ARID1B: variants seen among roughly 807,000 people sequenced by gnomAD.
ARID1B encodes the protein AT-rich interactive domain-containing protein 1B.
Under a neutral mutation model 212.3 loss-of-function variants are expected in ARID1B, and 30 were observed. The ratio of observed to expected loss-of-function variants is 0.14; its 90% CI spans 0.11 to 0.19. The LOEUF is 0.19. ARID1B is among the 10% of genes least tolerant of loss of function. ARID1B has a pLI of 1.00. For missense variants in ARID1B, 2,891 were observed against 3,204.0 expected, an observed-to-expected ratio of 0.90 and a Z score of 2.36; for synonymous variants, 1,402 against 1,301.7, an observed-to-expected ratio of 1.08 and a Z score of -1.66.
intron 3 of ARID1B, among the ~76,000 whole-genome samples, chr6:156,912,940 C>T (rs1361970871): frequency 6.6e-6 from 1 of 152,122 alleles, no homozygotes; most frequent in East Asian, 1.9e-4. Flanking sequence ...CTTGTATTCC[C>T]CATTTGCTGG....
At chr6:156,862,789 G>C (rs971502246) in intron 2 of ARID1B, among the ~76,000 whole-genome samples, 2 of 152,220 alleles carry the variant, frequency 1.3e-5, no homozygotes, top group Non-Finnish European at 2.9e-5. Context: ...GTGCCCGCTT[G>C]GGGGCTGGGC....
intron 1 of ARID1B, among the ~76,000 whole-genome samples, chr6:156,825,836 A>G (rs1182933250): frequency 1.3e-5 from 2 of 152,242 alleles, no homozygotes; most frequent in Non-Finnish European, 1.5e-5. Flanking sequence ...CTTGATTTTC[A>G]TACTTCCATA....
In ARID1B at chr6:156,777,767, C is replaced by A. The variant is rs1159456421; in HGVS notation, c.87C>A (p.Pro29=). The A allele has an allele frequency of 1.3e-6, 1 of 751,296 alleles. No homozygotes were observed. Among genetic ancestry groups the A allele is most frequent in the Non-Finnish European group, 1.6e-6 (1 of 620,442 alleles). 46.5% of individuals were successfully genotyped at this position (751,296 alleles called of 1,614,324 possible). A position where few individuals can be genotyped will look rare whatever the true frequency, so the allele number is the denominator to read the frequency against. ...GCAGCGGCGAACGGCGGGCGCCCCC[C>A]GGGCCGCGGCCGGCGCCCGGAGCCC... is the stretch of plus-strand genomic sequence containing the variant. ...RAGSGERRAP[P]GPRPAPGARD... Residue 29 remains proline (P), a synonymous_variant, in exon 1 of 20, where the codon CCC becomes CCA. Coordinates refer to ENST00000636930, the MANE Select transcript of ARID1B (RefSeq NM_001374828.1).
chr6:157,205,034 C>T (rs906961920), intron 19 of ARID1B: 3 of 152,220 alleles, frequency 2.0e-5, no homozygotes, highest in African/African-American at 7.2e-5. Flanking sequence ...AAACTGTATA[C>T]TGCATTTGCT....
intron 1 of ARID1B, among the ~76,000 whole-genome samples, chr6:156,824,185 TA>T (rs1330194143): frequency 2.0e-5 from 3 of 152,134 alleles, no homozygotes; most frequent in Non-Finnish European, 2.9e-5. Flanking sequence ...TCTTATCAAG[TA>T]AAAAAATTGC....
At chr6:156,813,506 C>G (rs1362606928) in intron 1 of ARID1B, among the ~76,000 whole-genome samples, 2 of 152,138 alleles carry the variant, frequency 1.3e-5, no homozygotes, top group East Asian at 1.9e-4. Context: ...AATTACTGCT[C>G]TAAACAATTT....
chr6:157,147,795 T>C (rs1165090072), intron 7 of ARID1B, among the ~76,000 whole-genome samples: 1 of 24,494 alleles, frequency 4.1e-5, no homozygotes, highest in Admixed American at 4.8e-4. Context: ...CCTCCGTCCC[T>C]CACCTCCGCC....
At chr6:156,942,528 G>A (rs1285203093) in intron 4 of ARID1B, 1 of 152,116 alleles carries the variant, frequency 6.6e-6, no homozygotes, top group Non-Finnish European at 1.5e-5. Flanking sequence ...GCCACCTAGA[G>A]CAGAGCTTAC....
At chr6:156,931,061 A>T (rs561854850) in intron 3 of ARID1B, among the ~76,000 whole-genome samples, 1 of 151,964 alleles carries the variant, frequency 6.6e-6, no homozygotes, top group Admixed American at 6.6e-5. Flanking sequence ...GTGGTGGCAC[A>T]TGCCTGTAGT....
In ARID1B at chr6:157,195,517, A is replaced by G. The variant is rs551244319; in HGVS notation, c.4232-648A>G. The stretch of plus-strand genomic sequence containing the variant: ...AATCTCCCTTCTGTTTAAACTCACA[A>G]TCGGCTGATTAGTAACTATAATCAC... On this transcript the variant is annotated intron_variant, in intron 15 of 19. Transcript: ENST00000636930. 6 of 152,316 alleles carry G rather than the reference A, an allele frequency of 3.9e-5. No individual in the cohort carries two copies. The East Asian group carries it at 5.8e-4, about 15-fold the overall frequency. The allele number at this position is 152,316 out of a possible 1,614,324, so 9.4% of individuals were successfully genotyped here.
chr6:156,852,966 A>T (rs1196150445), intron 2 of ARID1B, among the ~76,000 whole-genome samples: 1 of 152,216 alleles, frequency 6.6e-6, no homozygotes, highest in Non-Finnish European at 1.5e-5. Context: ...GAAGTGGAGT[A>T]GCCTGTTATA....
In ARID1B at chr6:156,816,399, T is replaced by G. The variant is rs144035176; in HGVS notation, c.1792-12828T>G. ...GGGTTTCTTTAATTTTGTTTTTTTA[T>G]TAAAGAAATAATAGCAATAATGGTT... On this transcript the variant is annotated intron_variant, in intron 1 of 19. Coordinates refer to ENST00000636930, the MANE Select transcript of ARID1B (RefSeq NM_001374828.1). 2.2e-3 allele frequency among the ~76,000 whole-genome samples: 342 copies of G among 152,278 alleles called. 2 individuals are homozygous for G. The highest frequency in any genetic ancestry group is 7.7e-3 in the African/African-American group (319 of 41,522).
chr6:157,096,444 T>C (rs894246704), intron 5 of ARID1B, among the ~76,000 whole-genome samples: 3 of 152,194 alleles, frequency 2.0e-5, no homozygotes, highest in Non-Finnish European at 2.9e-5. Flanking sequence ...GGATCATTCT[T>C]TTCCCCTCCC....
intron 4 of ARID1B, among the ~76,000 whole-genome samples, chr6:157,053,593 G>A (rs578170084): frequency 3.4e-4 from 52 of 152,200 alleles, no homozygotes; most frequent in African/African-American, 1.3e-3. Context: ...CCTGAATTTT[G>A]GCTATAATTA....
intron 9 of ARID1B, chr6:157,167,665 A>G (rs1791430855): frequency 6.5e-6 from 1 of 153,352 alleles, no homozygotes; most frequent in Non-Finnish European, 1.5e-5. Flanking sequence ...TGCTCTGTGC[A>G]GATTGTCTCT....
intron 4 of ARID1B, among the ~76,000 whole-genome samples, chr6:157,017,913 T>C (rs1779999181): frequency 1.4e-5 from 2 of 145,574 alleles, no homozygotes; most frequent in Non-Finnish European, 3.0e-5. Flanking sequence ...AAGGATTGCT[T>C]GAGCCCAGGA....
chr6:157,087,253 T>C (rs1785018193), intron 5 of ARID1B, among the ~76,000 whole-genome samples: 1 of 152,232 alleles, frequency 6.6e-6, no homozygotes, highest in Non-Finnish European at 1.5e-5. Context: ...ATATGACAAA[T>C]AGAACATTTC....
At chr6:157,075,801 A>G (rs140038869) in intron 4 of ARID1B, among the ~76,000 whole-genome samples, 1,724 of 152,356 alleles carry the variant, frequency 0.011, 34 homozygotes, top group African/African-American at 0.04. Context: ...ACACCAAGAC[A>G]TGCAAATGAA....
chr6:157,036,926 A>C (rs1418221579), intron 4 of ARID1B: 1 of 483,978 alleles, frequency 2.1e-6, no homozygotes, highest in South Asian at 1.6e-5. Context: ...AGTTCCTCCT[A>C]GGTGGATTTG....
Sources: gnomAD v4.1 joint callset for allele counts (sites outside exome capture counted in the v4.1 genomes callset) on GRCh38, gnomAD v4.1.1 for gene constraint, MANE v1.5 for transcripts, NCBI Gene and HGNC (gene_info 2026-07-23, HGNC 2026-07-21) for gene names.